The following BIRC6 variants were observed in gnomAD, a reference collection of about 807,000 sequenced individuals.
The protein encoded by BIRC6 is baculoviral IAP repeat containing 6.
Under a neutral mutation model 503.3 loss-of-function variants are expected in BIRC6, and 98 were observed. That is an observed-to-expected ratio of 0.19 (90% CI 0.17 to 0.23). The LOEUF (loss-of-function observed/expected upper bound fraction) is 0.23, where lower values mean the gene tolerates loss of function less well. BIRC6 is among the 10% of genes least tolerant of loss of function. The pLI is 1.00. For missense variants in BIRC6, 5,360 were observed against 5,806.0 expected, an observed-to-expected ratio of 0.92 and a Z score of 2.50; for synonymous variants, 2,240 against 2,078.7, an observed-to-expected ratio of 1.08 and a Z score of -2.11.
At chr2:32,592,061 A>G (rs150791441) in intron 66 of BIRC6, among the ~76,000 whole-genome samples, 2 of 152,340 alleles carry the variant, frequency 1.3e-5, no homozygotes, top group East Asian at 1.9e-4. Context: ...GACACAGTAT[A>G]GTAGTTGACT....
intron 12 of BIRC6, among the ~76,000 whole-genome samples, chr2:32,432,586 G>A (rs2044250954): frequency 6.6e-6 from 1 of 151,568 alleles, no homozygotes; most frequent in Admixed American, 6.6e-5. Context: ...GGGAGACCTC[G>A]TCTCTATAAA....
intron 68 of BIRC6, among the ~76,000 whole-genome samples, chr2:32,595,888 T>C (rs1032877163): frequency 3.3e-5 from 5 of 152,226 alleles, no homozygotes; most frequent in Non-Finnish European, 7.3e-5. Flanking sequence ...TTTATACTTT[T>C]GTTAAGAGTT....
intron 66 of BIRC6, among the ~76,000 whole-genome samples, chr2:32,576,968 T>G (rs1280193730): frequency 6.6e-6 from 1 of 152,134 alleles, no homozygotes; most frequent in African/African-American, 2.4e-5. Context: ...AGTGTGATAT[T>G]TTTTCTTTTG....
At chr2:32,443,462 T>A (rs1168232423) in intron 19 of BIRC6, 29 bp from the exon 20 acceptor site, 2 of 1,500,598 alleles carry the variant, frequency 1.3e-6, no homozygotes, top group South Asian at 1.2e-5. Context: ...GTAATGTCTT[T>A]ACAATTTTTC....
intron 21 of BIRC6, among the ~76,000 whole-genome samples, chr2:32,447,423 G>A (rs1228074585): frequency 2.0e-5 from 3 of 148,602 alleles, no homozygotes; most frequent in Non-Finnish European, 4.5e-5. Context: ...GGCTGGCCGG[G>A]CGGGGGGCTG....
At chr2:32,483,851 C>G (rs1278435928) in intron 39 of BIRC6, among the ~76,000 whole-genome samples, 1 of 152,182 alleles carries the variant, frequency 6.6e-6, no homozygotes, top group Non-Finnish European at 1.5e-5. Context: ...TGATTTTGAT[C>G]TCTCTCATTA....
intron 60 of BIRC6, among the ~76,000 whole-genome samples, chr2:32,530,664 G>GT (rs1252146925): frequency 6.6e-6 from 1 of 152,046 alleles, no homozygotes; most frequent in Non-Finnish European, 1.5e-5. Context: ...TTTTCATAGT[G>GT]TGAGTATGAT....
chr2:32,435,633 G>T, intron 14 of BIRC6, 48 bp downstream of exon 14: 2 of 1,510,204 alleles, frequency 1.3e-6, no homozygotes, highest in South Asian at 2.6e-5. Context: ...AAGGAGTAGT[G>T]ATCTGAATGC....
chr2:32,526,768 A>G (rs1264456420), intron 59 of BIRC6: 4 of 155,142 alleles, frequency 2.6e-5, no homozygotes, highest in South Asian at 3.9e-4. Flanking sequence ...GTAACGATCT[A>G]TCATGATGAA....
chr2:32,548,334 G>A (rs970075344), intron 64 of BIRC6, among the ~76,000 whole-genome samples: 5 of 89,024 alleles, frequency 5.6e-5, no homozygotes, highest in Non-Finnish European at 1.2e-4. Context: ...TTTTTTAAGT[G>A]TTATTTATTT....
At chr2:32,538,702 A>G (rs762458224) in intron 61 of BIRC6, among the ~76,000 whole-genome samples, 38 of 152,348 alleles carry the variant, frequency 2.5e-4, no homozygotes, top group Non-Finnish European at 4.4e-4. Flanking sequence ...AGGCCGAGGC[A>G]GGCAGATCAC....
At chr2:32,509,656 G>A (rs1558928573) in intron 51 of BIRC6, 82 bp from the exon 52 acceptor site, 1 of 1,486,672 alleles carries the variant, frequency 6.7e-7, no homozygotes. Context: ...AACACAACAT[G>A]CTGATCTTTA....
chr2:32,425,993 C>T (rs936778573), intron 10 of BIRC6, among the ~76,000 whole-genome samples: 1 of 152,156 alleles, frequency 6.6e-6, no homozygotes. Context: ...AAATCAGTCT[C>T]CTCTGTTTAT....
chr2:32,382,861 T>A (rs1055502628), intron 3 of BIRC6, among the ~76,000 whole-genome samples: 1 of 151,382 alleles, frequency 6.6e-6, no homozygotes, highest in African/African-American at 2.4e-5. Flanking sequence ...GTAGCTGGGA[T>A]TACAGATGTG....
intron 23 of BIRC6, among the ~76,000 whole-genome samples, chr2:32,454,649 G>T (rs977903710): frequency 2.0e-5 from 3 of 152,164 alleles, no homozygotes; most frequent in African/African-American, 7.2e-5. Context: ...TGATGGTTTT[G>T]TGTCATTGGG....
At chr2:32,467,823 A>G in intron 27 of BIRC6, 80 bp from the exon 28 acceptor site, 1 of 1,437,044 alleles carries the variant, frequency 7.0e-7, no homozygotes, top group Non-Finnish European at 9.4e-7. Context: ...TAAAAAATAT[A>G]ACTATCTTTT....
chr2:32,453,327 A>G (rs2046910517), intron 22 of BIRC6, among the ~76,000 whole-genome samples: 1 of 152,160 alleles, frequency 6.6e-6, no homozygotes, highest in African/African-American at 2.4e-5. Flanking sequence ...CAATGTGTAG[A>G]TAAACCTTGT....
intron 1 of BIRC6, among the ~76,000 whole-genome samples, chr2:32,371,119 G>A (rs1312844639): frequency 6.6e-6 from 1 of 150,578 alleles, no homozygotes; most frequent in Admixed American, 6.6e-5. Context: ...AGGCTGAGGC[G>A]GGAGGATTGC....
At position 32,525,122 on chromosome 2, in the gene BIRC6, A is replaced by C. The variant is rs1330008968; in HGVS notation, c.11755+103A>C. On this transcript the variant is annotated intron_variant, in intron 58 of 73. Coordinates refer to ENST00000421745, the MANE Select transcript of BIRC6 (RefSeq NM_016252.4). The stretch of plus-strand genomic sequence containing the variant: ...ATGTAATACATTGTACTAATATAAA[A>C]AGCTGACTCGTAATGATGTTTTAAT... 8.6e-6 allele frequency: 9 copies of C among 1,045,600 alleles called. No homozygotes were observed. The Admixed American group carries it at 2.2e-4, about 25-fold the overall frequency. The allele number at this position is 1,045,600 out of a possible 1,614,324, so 64.8% of individuals were successfully genotyped here.
Sources: gnomAD v4.1 joint callset for allele counts (sites outside exome capture counted in the v4.1 genomes callset) on GRCh38, gnomAD v4.1.1 for gene constraint, MANE v1.5 for transcripts, NCBI Gene and HGNC (gene_info 2026-07-23, HGNC 2026-07-21) for gene names.